RBFOX1: variants seen among roughly 807,000 people sequenced by gnomAD.
RBFOX1 encodes RNA binding protein fox-1 homolog 1.
In RBFOX1, 8 loss-of-function variants were observed where a neutral mutation model predicts 57.7. The observed-to-expected ratio is 0.14, with a 90% CI of 0.08 to 0.25. The LOEUF (loss-of-function observed/expected upper bound fraction) is 0.25, where lower values mean the gene tolerates loss of function less well. Ranked by LOEUF, RBFOX1 falls within the 10% of genes least tolerant of loss-of-function variation. The probability of loss-of-function intolerance (pLI) is 1.00; values close to 1 mark genes in which losing one functional copy is unlikely to be tolerated. For synonymous variants in RBFOX1, 326 were observed against 222.4 expected, an observed-to-expected ratio of 1.47 and a Z score of -4.15; for missense variants, 611 against 548.5, an observed-to-expected ratio of 1.11 and a Z score of -1.14.
At chr16:6,236,721 G>T (rs1273702203) in intron 1 of RBFOX1, among the ~76,000 whole-genome samples, 2 of 152,150 alleles carry the variant, frequency 1.3e-5, no homozygotes, top group Non-Finnish European at 2.9e-5. Flanking sequence ...AAAGTGCTGG[G>T]ATTACAGGTG....
intron 3 of RBFOX1, among the ~76,000 whole-genome samples, chr16:6,932,659 C>T (rs1173797564): frequency 6.6e-6 from 1 of 152,138 alleles, no homozygotes; most frequent in East Asian, 1.9e-4. Flanking sequence ...TGGAGAGTTG[C>T]ACCAGATTCT....
At chr16:6,373,378 T>TCA (rs1382083525) in intron 2 of RBFOX1, among the ~76,000 whole-genome samples, 10 of 148,760 alleles carry the variant, frequency 6.7e-5, no homozygotes, top group South Asian at 2.1e-4. Context: ...GAAGGATAGT[T>TCA]TTTTAGGATC....
intron 2 of RBFOX1, among the ~76,000 whole-genome samples, chr16:6,618,251 A>G (rs142184067): frequency 6.6e-6 from 1 of 152,212 alleles, no homozygotes; most frequent in Non-Finnish European, 1.5e-5. Context: ...GAATATGATT[A>G]TGTGTATACC....
chr16:6,271,445 G>A (rs1408517683), intron 1 of RBFOX1, among the ~76,000 whole-genome samples: 1 of 151,990 alleles, frequency 6.6e-6, no homozygotes, highest in Non-Finnish European at 1.5e-5. Flanking sequence ...AACAAACAGG[G>A]AAGGAAGTTA....
At chr16:7,203,228 T>C (rs2089092380) in intron 4 of RBFOX1, among the ~76,000 whole-genome samples, 2 of 152,182 alleles carry the variant, frequency 1.3e-5, no homozygotes, top group African/African-American at 4.8e-5. Context: ...GGAAGAAAAT[T>C]CTGACGCATG....
At chr16:7,481,284 G>A (rs1250294456) in intron 4 of RBFOX1, among the ~76,000 whole-genome samples, 1 of 152,148 alleles carries the variant, frequency 6.6e-6, no homozygotes, top group Non-Finnish European at 1.5e-5. Context: ...CGGTTTTGTG[G>A]ATAATAGAAA....
rs539238698 is a variant in RBFOX1 at position 7,503,454 on chromosome 16, G to GT, written c.28-14692dup. 3.9e-4 allele frequency among the ~76,000 whole-genome samples: 59 copies of GT among 152,330 alleles called. 2 individuals carry two copies. In the South Asian group the frequency reaches 0.012, roughly 31 times the overall value. On this transcript the variant is annotated intron_variant, in intron 4 of 15. Coordinates refer to ENST00000550418, the MANE Select transcript of RBFOX1 (RefSeq NM_018723.4). The stretch of plus-strand genomic sequence containing the variant: ...AGCGATATTATCTCAAATTATATCT[G>GT]TAGGGTAACTGCAAGTCAGGTATTT...
intron 2 of RBFOX1, among the ~76,000 whole-genome samples, chr16:6,518,671 C>G (rs2096432797): frequency 6.6e-6 from 1 of 152,112 alleles, no homozygotes; most frequent in Non-Finnish European, 1.5e-5. Context: ...CCCGGAGTAA[C>G]TGCCCTTTGA....
At chr16:6,990,540 T>C (rs1172626662) in intron 3 of RBFOX1, among the ~76,000 whole-genome samples, 1 of 151,876 alleles carries the variant, frequency 6.6e-6, no homozygotes, top group Non-Finnish European at 1.5e-5. Flanking sequence ...AAATAAAAAT[T>C]CTGTTAGTAT....
At chr16:7,395,983 G>T (rs530037038) in intron 4 of RBFOX1, among the ~76,000 whole-genome samples, 130 of 152,116 alleles carry the variant, frequency 8.5e-4, no homozygotes, top group Non-Finnish European at 1.4e-3. Context: ...AGCATCTATC[G>T]GCAGGGCTTG....
Position 7,320,823 on chromosome 16 carries a change from A to G in RBFOX1, c.28-197324A>G, listed in dbSNP as rs1003575040. Among the ~76,000 whole-genome samples, 4 of 152,388 alleles carry G rather than the reference A, an allele frequency of 2.6e-5. No individual in the cohort carries two copies. The East Asian group carries it at 5.8e-4, about 22-fold the overall frequency. On this transcript the variant is annotated intron_variant, in intron 4 of 15. Coordinates refer to ENST00000550418, the MANE Select transcript of RBFOX1 (RefSeq NM_018723.4). ...TGGTTATATTACTTAGAGCAACCGC[A>G]CAACAACCCTGTAAGGGGAGTGTTA...
chr16:7,003,056 C>G (rs185504573), intron 3 of RBFOX1, among the ~76,000 whole-genome samples: 40 of 150,034 alleles, frequency 2.7e-4, no homozygotes, highest in Non-Finnish European at 5.0e-4. Flanking sequence ...TGTTTGGTTT[C>G]CCAAAGAGAG....
intron 4 of RBFOX1, among the ~76,000 whole-genome samples, chr16:7,164,992 C>T (rs577336165): frequency 1.3e-5 from 2 of 152,256 alleles, no homozygotes; most frequent in Admixed American, 1.3e-4. Context: ...GAATTTGGAG[C>T]CCTATAAAAC....
intron 2 of RBFOX1, among the ~76,000 whole-genome samples, chr16:6,406,585 T>TC (rs1384594940): frequency 6.6e-6 from 1 of 152,132 alleles, no homozygotes; most frequent in African/African-American, 2.4e-5. Context: ...AACATTTTTT[T>TC]TTTTTTTCAT....
chr16:5,870,077 T>G (rs1458411558), intron 4 of RBFOX1, among the ~76,000 whole-genome samples: 1 of 151,108 alleles, frequency 6.6e-6, no homozygotes, highest in African/African-American at 2.4e-5. Context: ...AACAAAAGAA[T>G]GTACCCTCCA....
At position 6,785,517 on chromosome 16, in the gene RBFOX1, C is replaced by G. The variant is rs563860942; in HGVS notation, c.-16+130867C>G. Among the ~76,000 whole-genome samples, 5 of 152,258 alleles carry G rather than the reference C, an allele frequency of 3.3e-5. No homozygotes were observed. In the East Asian group the frequency reaches 9.7e-4, roughly 29 times the overall value. On this transcript the variant is annotated intron_variant, in intron 3 of 15. Transcript: ENST00000550418. ...CAACACCTTTCCATCCTACCTTCCC[C>G]AAAGCACACTCAGCAGTAGTTCCTC...
chr16:7,430,473 A>T (rs1188135786), intron 4 of RBFOX1, among the ~76,000 whole-genome samples: 3 of 152,090 alleles, frequency 2.0e-5, no homozygotes, highest in Non-Finnish European at 4.4e-5. Context: ...CATCCTGGCT[A>T]ACAAGGTGAA....
intron 2 of RBFOX1, among the ~76,000 whole-genome samples, chr16:6,478,379 C>A: frequency 8.1e-6 from 1 of 124,038 alleles, no homozygotes; most frequent in Non-Finnish European, 1.6e-5. Flanking sequence ...CCTGCCACTA[C>A]ACCCAGCTAA....
At chr16:5,434,532 G>T (rs1325146224) in intron 1 of RBFOX1, among the ~76,000 whole-genome samples, 1 of 151,572 alleles carries the variant, frequency 6.6e-6, no homozygotes, top group Admixed American at 6.6e-5. Context: ...ATGTTAAGCT[G>T]GTCTCAAACT....
Sources: allele counts gnomAD v4.1 joint callset (sites outside exome capture counted in the v4.1 genomes callset), GRCh38; gene constraint gnomAD v4.1.1; transcripts MANE v1.5; gene names NCBI Gene and HGNC (gene_info 2026-07-23, HGNC 2026-07-21).